Variants in SBF2 observed in about 807,000 individuals in gnomAD.
SBF2 encodes the protein myotubularin-related protein 13.
SBF2 carries 112 observed loss-of-function variants against 225.2 expected under a neutral mutation model. The observed-to-expected ratio is 0.50, with a 90% CI of 0.43 to 0.58. The LOEUF (loss-of-function observed/expected upper bound fraction) is 0.58, where lower values mean the gene tolerates loss of function less well. Ranked by LOEUF, SBF2 falls within the 20% of genes least tolerant of loss-of-function variation. The probability of loss-of-function intolerance (pLI) is 0.00; values close to 1 mark genes in which losing one functional copy is unlikely to be tolerated. For synonymous variants in SBF2, 763 were observed against 773.3 expected, an observed-to-expected ratio of 0.99 and a Z score of 0.22; for missense variants, 1,996 against 2,206.2, an observed-to-expected ratio of 0.90 and a Z score of 1.91.
At chr11:10,142,063 A>G (rs908039584) in intron 2 of SBF2, among the ~76,000 whole-genome samples, 3 of 152,182 alleles carry the variant, frequency 2.0e-5, no homozygotes, top group Non-Finnish European at 4.4e-5. Flanking sequence ...TTCTGAGAAG[A>G]AGGCAAATTA....
At chr11:9,880,461 T>G (rs1859669695) in intron 17 of SBF2, among the ~76,000 whole-genome samples, 1 of 152,234 alleles carries the variant, frequency 6.6e-6, no homozygotes. Flanking sequence ...ACATGTGCTC[T>G]TCATGTGGCC....
At chr11:10,203,460 A>G (rs1245338118) in intron 1 of SBF2, among the ~76,000 whole-genome samples, 1 of 152,248 alleles carries the variant, frequency 6.6e-6, no homozygotes, top group Non-Finnish European at 1.5e-5. Flanking sequence ...AGCCTCAAAA[A>G]GATCAAACTA....
At chr11:9,902,962 A>T (rs905601677) in intron 16 of SBF2, among the ~76,000 whole-genome samples, 67 of 150,980 alleles carry the variant, frequency 4.4e-4, no homozygotes, top group African/African-American at 1.5e-3. Context: ...AGGAAAATAA[A>T]AAAAAAAAAC....
intron 13 of SBF2, among the ~76,000 whole-genome samples, chr11:9,975,749 A>G (rs1590656934): frequency 1.3e-5 from 2 of 152,296 alleles, no homozygotes; most frequent in South Asian, 2.1e-4. Flanking sequence ...CATTATCTAT[A>G]TAAGTCGTTT....
At chr11:9,882,583 C>A (rs183488537) in intron 17 of SBF2, among the ~76,000 whole-genome samples, 1 of 151,734 alleles carries the variant, frequency 6.6e-6, no homozygotes, top group African/African-American at 2.4e-5. Flanking sequence ...CCAAGGCGGG[C>A]GGATCACAAA....
At chr11:9,858,099 C>T (rs1464574187) in intron 18 of SBF2, 127 bp downstream of exon 18, 15 of 946,310 alleles carry the variant, frequency 1.6e-5, no homozygotes, top group South Asian at 7.8e-5. Flanking sequence ...TATCACAGGG[C>T]TCCCTAAATA....
intron 2 of SBF2, among the ~76,000 whole-genome samples, chr11:10,160,737 C>G (rs1184147645): frequency 6.6e-6 from 1 of 152,154 alleles, no homozygotes; most frequent in Non-Finnish European, 1.5e-5. Context: ...GTGGTTCATA[C>G]ACCTCCTGCC....
At chr11:9,871,553 G>A (rs1157630604) in intron 17 of SBF2, among the ~76,000 whole-genome samples, 11 of 150,574 alleles carry the variant, frequency 7.3e-5, no homozygotes, top group Non-Finnish European at 1.2e-4. Context: ...GTGCAGTGGC[G>A]CGATCTCGGA....
chr11:9,943,455 G>A (rs970535050), intron 16 of SBF2, among the ~76,000 whole-genome samples: 12 of 151,772 alleles, frequency 7.9e-5, no homozygotes, highest in Non-Finnish European at 5.9e-5. Context: ...CACAAACTAG[G>A]AAGAAATACC....
intron 2 of SBF2, among the ~76,000 whole-genome samples, chr11:10,086,191 T>G (rs1951558549): frequency 6.6e-6 from 1 of 152,078 alleles, no homozygotes; most frequent in Non-Finnish European, 1.5e-5. Flanking sequence ...AATTGAGGTG[T>G]TTATCTTGCT....
chr11:10,167,997 A>G (rs1037835125), intron 2 of SBF2, among the ~76,000 whole-genome samples: 2 of 152,240 alleles, frequency 1.3e-5, no homozygotes, highest in African/African-American at 2.4e-5. Flanking sequence ...CAGCCTCTGC[A>G]ACAGAGTGAG....
At chr11:10,169,626 G>C (rs746032855) in intron 2 of SBF2, among the ~76,000 whole-genome samples, 4 of 152,180 alleles carry the variant, frequency 2.6e-5, no homozygotes, top group Non-Finnish European at 2.9e-5. Context: ...TGTGAATAGT[G>C]TTGCAGTAAA....
intron 1 of SBF2, among the ~76,000 whole-genome samples, chr11:10,288,928 T>C (rs1281634931): frequency 6.6e-6 from 1 of 152,080 alleles, no homozygotes; most frequent in Non-Finnish European, 1.5e-5. Context: ...CTTCAAGCCC[T>C]CCCCGGCCTG....
chr11:9,839,805 G>A lies in SBF2; in HGVS notation c.3257-109C>T, dbSNP rs1855987058. 7.4e-6 allele frequency: 9 copies of A among 1,214,308 alleles called. No individual in the cohort carries two copies. In the South Asian group the frequency reaches 9.7e-5, roughly 13 times the overall value. 75.2% of individuals were successfully genotyped at this position (1,214,308 alleles called of 1,614,324 possible). A position where few individuals can be genotyped will look rare whatever the true frequency, so the allele number is the denominator to read the frequency against. Reference sequence around the variant, plus strand: ...TCTCATCTGAAACTGTGATGGTAGAGACAGATATCAAAGAAATGATTAGCT... The same window carrying A: ...TCTCATCTGAAACTGTGATGGTAGAAACAGATATCAAAGAAATGATTAGCT... On this transcript the variant is annotated intron_variant, in intron 25 of 39. Transcript: ENST00000256190.
intron 2 of SBF2, among the ~76,000 whole-genome samples, chr11:10,113,370 A>G (rs1952972849): frequency 6.6e-6 from 1 of 152,244 alleles, no homozygotes; most frequent in Non-Finnish European, 1.5e-5. Context: ...AACCTGAAAT[A>G]TCTGCAGAGA....
intron 2 of SBF2, among the ~76,000 whole-genome samples, chr11:10,111,721 T>C (rs1056827342): frequency 2.0e-5 from 3 of 151,940 alleles, no homozygotes; most frequent in Admixed American, 2.0e-4. Flanking sequence ...ACTAAAAATA[T>C]GAAAAATTAG....
chr11:10,220,384 G>A (rs1349555955), intron 1 of SBF2, among the ~76,000 whole-genome samples: 1 of 152,016 alleles, frequency 6.6e-6, no homozygotes, highest in Non-Finnish European at 1.5e-5. Context: ...GATTTAGGTG[G>A]GGACACAGCC....
intron 2 of SBF2, 27 bp from the exon 3 acceptor site, chr11:10,043,008 AC>A: frequency 6.2e-7 from 1 of 1,602,974 alleles, no homozygotes; most frequent in Non-Finnish European, 8.5e-7. Flanking sequence ...AAAAAATGTA[AC>A]ATTTAAAAAC....
At chr11:9,797,160 G>C (rs1853174906) in intron 32 of SBF2, among the ~76,000 whole-genome samples, 1 of 152,198 alleles carries the variant, frequency 6.6e-6, no homozygotes, top group Non-Finnish European at 1.5e-5. Context: ...TGGCAATACG[G>C]ACCTGTACTT....
Sources: gnomAD v4.1 joint callset for allele counts (sites outside exome capture counted in the v4.1 genomes callset) on GRCh38, gnomAD v4.1.1 for gene constraint, MANE v1.5 for transcripts, NCBI Gene and HGNC (gene_info 2026-07-23, HGNC 2026-07-21) for gene names.